Variants in PIBF1 observed in about 807,000 individuals in gnomAD.
PIBF1 encodes progesterone-induced-blocking factor 1.
Under a neutral mutation model 112.5 loss-of-function variants are expected in PIBF1, and 90 were observed. The observed-to-expected ratio is 0.80, with a 90% CI of 0.67 to 0.95. The LOEUF (loss-of-function observed/expected upper bound fraction) is 0.95, where lower values mean the gene tolerates loss of function less well. Ranked by LOEUF, PIBF1 falls within the 40% of genes least tolerant of loss-of-function variation. The pLI is 0.00. For synonymous variants in PIBF1, 301 were observed against 288.6 expected (o/e 1.04, Z -0.44); for missense variants, 915 against 852.3 (o/e 1.07, Z -0.92).
intron 9 of PIBF1, among the ~76,000 whole-genome samples, chr13:72,843,773 TCA>T (rs1452636565): frequency 6.6e-6 from 1 of 152,102 alleles, no homozygotes. Context: ...TTATCTGAGA[TCA>T]CACAGCTTTT....
At chr13:73,014,505 A>G (rs1024881072) in intron 17 of PIBF1, among the ~76,000 whole-genome samples, 6 of 152,200 alleles carry the variant, frequency 3.9e-5, no homozygotes, top group African/African-American at 1.4e-4. Flanking sequence ...GTCTATAGAC[A>G]TTTGTCCAAA....
intron 17 of PIBF1, among the ~76,000 whole-genome samples, chr13:73,011,561 ACT>A (rs1298631308): frequency 6.6e-6 from 1 of 152,012 alleles, no homozygotes; most frequent in African/African-American, 2.4e-5. Flanking sequence ...CCTGGGAAAA[ACT>A]CAATACCCAA....
chr13:72,887,026 CTCT>C (rs1180480864), intron 10 of PIBF1, among the ~76,000 whole-genome samples: 1 of 149,760 alleles, frequency 6.7e-6, no homozygotes, highest in Non-Finnish European at 1.5e-5. Flanking sequence ...AACTGTGTTA[CTCT>C]ATAGTTTTTC....
At position 72,859,362 on chromosome 13, in the gene PIBF1, T is replaced by C. The variant is rs190001707; in HGVS notation, c.1322+5207T>C. Among the ~76,000 whole-genome samples, 12 of 152,238 alleles carry C rather than the reference T, an allele frequency of 7.9e-5. No individual in the cohort carries two copies. In the East Asian group the frequency reaches 2.3e-3, roughly 29 times the overall value. On this transcript the variant is annotated intron_variant, in intron 10 of 17. Coordinates refer to ENST00000326291, the MANE Select transcript of PIBF1 (RefSeq NM_006346.4). ...CCTTTTAAACAATATGGGGAAAATA[T>C]GGGAGCAATTCAAGGCCAGGTAAAT...
intron 10 of PIBF1, 108 bp downstream of exon 10, chr13:72,854,263 G>T: frequency 1.2e-5 from 8 of 657,440 alleles, no homozygotes; most frequent in South Asian, 6.1e-5. Context: ...TTTCAATTGA[G>T]GAGAGACTAA....
chr13:72,928,354 C>G (rs760448533), intron 13 of PIBF1, among the ~76,000 whole-genome samples: 4 of 151,962 alleles, frequency 2.6e-5, no homozygotes, highest in Non-Finnish European at 5.9e-5. Context: ...GTTGATTTTC[C>G]TTACTTGGAA....
chr13:72,795,395 C>G lies in PIBF1; in HGVS notation c.390C>G (p.Thr130=). 1 of 1,600,124 alleles carries G rather than the reference C, an allele frequency of 6.2e-7. No individual in the cohort carries two copies. Among genetic ancestry groups the G allele is most frequent in the Non-Finnish European group, 8.5e-7 (1 of 1,175,602 alleles). Reference sequence around the variant, plus strand: ...AATTAATGAAACAAGAAATGGAAACCATTTTGTTGAGACAGAAACAACTAG... The same window carrying G: ...AATTAATGAAACAAGAAATGGAAACGATTTTGTTGAGACAGAAACAACTAG... The part of the protein sequence containing the change: ...YQELMKQEME[T]ILLRQKQLEE... The change falls in exon 4 of 18, where the codon ACC becomes ACG. Residue 130 remains threonine, a synonymous_variant. Transcript: ENST00000326291.
chr13:72,857,836 G>A (rs2038497982), intron 10 of PIBF1, among the ~76,000 whole-genome samples: 1 of 152,080 alleles, frequency 6.6e-6, no homozygotes, highest in Non-Finnish European at 1.5e-5. Context: ...GTGAAACTCT[G>A]TCTCAAAACA....
intron 10 of PIBF1, among the ~76,000 whole-genome samples, chr13:72,863,469 G>A (rs1381753472): frequency 6.6e-6 from 1 of 151,204 alleles, no homozygotes; most frequent in Non-Finnish European, 1.5e-5. Flanking sequence ...GGCTAACACG[G>A]TGAAACCCCA....
chr13:72,834,664 T>TTAAAGG lies in PIBF1; in HGVS notation c.1098-562_1098-557dup, dbSNP rs563075349. On this transcript the variant is annotated intron_variant, in intron 8 of 17. Transcript: ENST00000326291. The stretch of plus-strand genomic sequence containing the variant: ...ATACTAAAACAAAACAAATTTTACC[T>TTAAAGG]TAAAGGTAAAGGTAAAGGTAAATTT... Among the ~76,000 whole-genome samples, 521 of 152,154 alleles carry TTAAAGG rather than the reference T, an allele frequency of 3.4e-3. 3 individuals carry two copies. Among genetic ancestry groups the TTAAAGG allele is most frequent in the Non-Finnish European group, 5.0e-3 (339 of 67,988 alleles).
chr13:72,970,534 G>C (rs1465114199), intron 15 of PIBF1: 3 of 152,076 alleles, frequency 2.0e-5, no homozygotes, highest in Non-Finnish European at 4.4e-5. Context: ...AATATATCAG[G>C]AATGTTTTCG....
chr13:72,857,276 C>T (rs2038465681), intron 10 of PIBF1, among the ~76,000 whole-genome samples: 1 of 152,022 alleles, frequency 6.6e-6, no homozygotes, highest in Non-Finnish European at 1.5e-5. Flanking sequence ...AATGTAAAAC[C>T]ATTAAAAACC....
chr13:72,983,958 A>C (rs895352881), intron 16 of PIBF1, among the ~76,000 whole-genome samples: 6 of 152,322 alleles, frequency 3.9e-5, no homozygotes, highest in African/African-American at 1.2e-4. Context: ...GGTGCTCTTC[A>C]AGTTAAACTG....
chr13:72,944,777 G>GT (rs1389963732), intron 14 of PIBF1, among the ~76,000 whole-genome samples: 1 of 151,846 alleles, frequency 6.6e-6, no homozygotes, highest in Non-Finnish European at 1.5e-5. Context: ...TTGTTGGTTG[G>GT]TTTTTTTGAG....
At chr13:73,003,457 G>C (rs1410650142) in intron 17 of PIBF1, among the ~76,000 whole-genome samples, 1 of 152,052 alleles carries the variant, frequency 6.6e-6, no homozygotes, top group East Asian at 1.9e-4. Flanking sequence ...GTTTCACCAT[G>C]TTGGCCAGGC....
chr13:72,922,867 A>G (rs559623365), intron 13 of PIBF1, among the ~76,000 whole-genome samples: 2 of 152,304 alleles, frequency 1.3e-5, no homozygotes, highest in South Asian at 2.1e-4. Flanking sequence ...GTGTAAGCCT[A>G]TAGAAGAAAC....
intron 10 of PIBF1, among the ~76,000 whole-genome samples, chr13:72,892,158 AATTTT>A (rs2040082920): frequency 6.6e-6 from 1 of 152,132 alleles, no homozygotes; most frequent in African/African-American, 2.4e-5. Context: ...TAAAAGAGTG[AATTTT>A]ATGGTATATG....
intron 17 of PIBF1, among the ~76,000 whole-genome samples, chr13:73,004,633 C>T (rs920072279): frequency 6.6e-6 from 1 of 152,106 alleles, no homozygotes; most frequent in Admixed American, 6.6e-5. Flanking sequence ...TATATTCTTA[C>T]GTCTGACTTT....
rs929690607 is a variant in PIBF1 at position 72,968,253 on chromosome 13, G to A, written c.1964+2849G>A. On this transcript the variant is annotated intron_variant, in intron 15 of 17. Coordinates refer to ENST00000326291, the MANE Select transcript of PIBF1 (RefSeq NM_006346.4). ...CACTAGCTAGCCACATATAGATGTT[G>A]AGCATTTGTTTTGGGGTTTTGTTGT... Among the ~76,000 whole-genome samples, 3 of 151,282 alleles carry A rather than the reference G, an allele frequency of 2.0e-5. No individual in the cohort carries two copies. The South Asian group carries it at 6.3e-4, about 32-fold the overall frequency.
Sources: gnomAD v4.1 joint callset for allele counts (sites outside exome capture counted in the v4.1 genomes callset) on GRCh38, gnomAD v4.1.1 for gene constraint, MANE v1.5 for transcripts, NCBI Gene and HGNC (gene_info 2026-07-23, HGNC 2026-07-21) for gene names.